The following NECAB2 variants were observed in gnomAD, a reference collection of about 807,000 sequenced individuals.
NECAB2 encodes N-terminal EF-hand calcium binding protein 2, also known as N-terminal EF-hand calcium-binding protein 2.
A neutral mutation model predicts 51.9 loss-of-function variants in NECAB2; 68 were observed. The observed-to-expected ratio is 1.31, with a 90% confidence interval of 1.08 to 1.60. The LOEUF (loss-of-function observed/expected upper bound fraction) is 1.60. Among genes scored for constraint, NECAB2 ranks in the 40% most tolerant of loss-of-function variants. NECAB2 has a pLI of 0.00. For missense variants in NECAB2, 854 were observed against 490.3 expected (o/e 1.74, Z -7.00); for synonymous variants, 329 against 203.5 (o/e 1.62, Z -5.25).
chr16:83,976,255 C>G (rs1396139056), intron 2 of NECAB2, among the ~76,000 whole-genome samples: 3 of 152,182 alleles, frequency 2.0e-5, no homozygotes, highest in African/African-American at 4.8e-5. Context: ...AGATCCTACC[C>G]CTGGATTAGG....
rs2084312369 is a variant in NECAB2, at chr16:83,968,478, C to A, written c.-171C>A. ...GGGAGCGGGCACGTGGCTCGGGGTC[C>A]GGCCGGCCCGCCCCCCGGCGCCGGC... On this transcript the variant is annotated 5_prime_UTR_variant, in exon 1 of 13. Transcript: ENST00000305202. 6.9e-6 allele frequency among the ~76,000 whole-genome samples: 1 copy of A among 144,950 alleles called. No homozygotes were observed. The highest frequency in any genetic ancestry group is 2.1e-4 in the South Asian group (1 of 4,780).
intron 1 of NECAB2, among the ~76,000 whole-genome samples, chr16:83,970,765 G>T (rs916120091): frequency 6.6e-6 from 1 of 152,134 alleles, no homozygotes; most frequent in African/African-American, 2.4e-5. Flanking sequence ...TGGGGTGGGG[G>T]CCACCGCAGA....
chr16:84,002,208 ACACAAGGACT>A, intron 12 of NECAB2, 100 bp from the exon 13 acceptor site: 1 of 1,366,572 alleles, frequency 7.3e-7, no homozygotes, highest in Non-Finnish European at 1.0e-6. Context: ...CCTGTGTGTC[ACACAAGGACT>A]CAAAGCCATC....
At chr16:83,989,074 C>G (rs568988204) in intron 5 of NECAB2, among the ~76,000 whole-genome samples, 24 of 152,248 alleles carry the variant, frequency 1.6e-4, no homozygotes, top group Non-Finnish European at 2.9e-4. Context: ...TTTTAACACA[C>G]TTCAGCCCAT....
At chr16:83,990,017 A>G (rs2084602174) in intron 5 of NECAB2, among the ~76,000 whole-genome samples, 1 of 152,132 alleles carries the variant, frequency 6.6e-6, no homozygotes, top group South Asian at 2.1e-4. Context: ...TGCAGGAGGA[A>G]GGAGGGAGGG....
chr16:83,977,301 G>A (rs1376499611), intron 2 of NECAB2, among the ~76,000 whole-genome samples: 3 of 152,128 alleles, frequency 2.0e-5, no homozygotes, highest in Non-Finnish European at 4.4e-5. Flanking sequence ...GATCCTTGAG[G>A]AGGGGGGAGG....
rs2084854799 is a variant in NECAB2 at position 84,002,335 on chromosome 16, G to C, written c.1150G>C (p.Gly384Arg). 6.2e-7 allele frequency: 1 copy of C among 1,613,868 alleles called. No individual in the cohort carries two copies. The highest frequency in any genetic ancestry group is 1.7e-5 in the Admixed American group (1 of 59,992). ...CCTTTTAGCTGCTTGGTGCACGGTG[G>C]GACGGGACTGACAGCCTCCCAGAGG... ...ILVPAAWCTV[G>R]RD The change falls in exon 13 of 13, where the codon GGA (glycine) becomes CGA (arginine). Residue 384 changes from glycine (G) to arginine (R), a missense_variant. Physicochemically the swap from Gly to Arg is moderately radical, Grantham distance 125. Coordinates refer to ENST00000305202, the MANE Select transcript of NECAB2 (RefSeq NM_019065.3).
chr16:83,980,682 C>G (rs1391756351), intron 3 of NECAB2, among the ~76,000 whole-genome samples, 157 bp from the exon 4 acceptor site: 1 of 152,076 alleles, frequency 6.6e-6, no homozygotes, highest in Non-Finnish European at 1.5e-5. Context: ...GGGGGTGTCA[C>G]CTACCTGCTG....
At chr16:83,992,962 C>G (rs1013834310) in intron 6 of NECAB2, among the ~76,000 whole-genome samples, 5 of 152,202 alleles carry the variant, frequency 3.3e-5, no homozygotes, top group African/African-American at 1.2e-4. Flanking sequence ...GTTTTCAGGG[C>G]AGACTTCCCA....
chr16:83,988,185 G>A (rs934804003), intron 5 of NECAB2, among the ~76,000 whole-genome samples: 4 of 152,184 alleles, frequency 2.6e-5, no homozygotes, highest in Admixed American at 6.5e-5. Context: ...AAGGGAATTC[G>A]GGCCACCTTT....
chr16:83,968,655 G>A lies in NECAB2; in HGVS notation c.7G>A (p.Glu3Lys), dbSNP rs2084314819. Residue 3 changes from glutamate (E) to lysine (K), a missense_variant, in exon 1 of 13, where the codon GAG becomes AAG. Transcript: ENST00000305202. The part of the protein sequence containing the change: MC[E>K]RAARLCRAGA... Reference sequence around the variant, plus strand: ...CGGCGGCGGGCGCGGCGCGATGTGCGAGCGGGCGGCGCGCCTGTGCAGGGC... The same window carrying A: ...CGGCGGCGGGCGCGGCGCGATGTGCAAGCGGGCGGCGCGCCTGTGCAGGGC... 2 of 981,048 alleles carry A rather than the reference G, an allele frequency of 2.0e-6. No individual in the cohort carries two copies. The highest frequency in any genetic ancestry group is 2.4e-6 in the Non-Finnish European group (2 of 828,656). The allele number at this position is 981,048 out of a possible 1,614,324, so 60.8% of individuals were successfully genotyped here. A position where few individuals can be genotyped will look rare whatever the true frequency, so the allele number is the denominator to read the frequency against.
At chr16:83,996,236 A>G (rs913294925) in intron 8 of NECAB2, among the ~76,000 whole-genome samples, 1 of 152,148 alleles carries the variant, frequency 6.6e-6, no homozygotes. Context: ...CCCCTCACGT[A>G]TGCTTGTAAA....
chr16:84,001,792 C>T lies in NECAB2; in HGVS notation c.1041-33C>T, dbSNP rs759828337. On this transcript the variant is annotated intron_variant, in intron 11 of 12. Transcript: ENST00000305202. ...GCCACACGCGGAGCTCCACTCCTGC[C>T]ACCCCTGACTCACACATGTCCCTGC... The T allele has an allele frequency of 1.9e-6, 3 of 1,611,516 alleles. No individual in the cohort carries two copies. The Admixed American group carries it at 5.0e-5, about 27-fold the overall frequency.
At chr16:83,983,084 G>C (rs1262403758) in intron 5 of NECAB2, among the ~76,000 whole-genome samples, 4 of 152,048 alleles carry the variant, frequency 2.6e-5, no homozygotes, top group Non-Finnish European at 5.9e-5. Context: ...GGCCAGGCTG[G>C]TCTCAAAGTC....
intron 7 of NECAB2, 47 bp downstream of exon 7, chr16:83,994,467 G>A (rs759265726): frequency 8.1e-6 from 13 of 1,602,038 alleles, no homozygotes; most frequent in South Asian, 7.7e-5. Flanking sequence ...TGGGGGTCCC[G>A]AGGAGTTCTG....
rs202116282 is a variant in NECAB2 at position 84,000,807 on chromosome 16, A to C, written c.1040+6A>C. 1 of 1,613,124 alleles carries C rather than the reference A, an allele frequency of 6.2e-7. No individual in the cohort carries two copies. The highest frequency in any genetic ancestry group is 8.5e-7 in the Non-Finnish European group (1 of 1,179,746). On this transcript the variant is annotated splice_donor_region_variant and intron_variant, in intron 11 of 12. Transcript: ENST00000305202. ...ACAGAGGAGGCGTGGAAGAGGTGAG[A>C]TGCTGGGTCCCCACAGCAGGTGAGG... is the stretch of plus-strand genomic sequence containing the variant.
rs967669033 is a variant in NECAB2 at position 83,972,546 on chromosome 16, C to A, written c.226+371C>A. 5.9e-5 allele frequency among the ~76,000 whole-genome samples: 9 copies of A among 152,226 alleles called. No individual in the cohort carries two copies. The East Asian group carries it at 1.7e-3, about 29-fold the overall frequency. On this transcript the variant is annotated intron_variant, in intron 2 of 12. Transcript: ENST00000305202. Reference sequence around the variant, plus strand: ...ACCCTCCTTGAAAGGAAGCCGCCAGCCTCACGCTAGGCCCTTCACAAGCCT... The same window carrying A: ...ACCCTCCTTGAAAGGAAGCCGCCAGACTCACGCTAGGCCCTTCACAAGCCT...
At chr16:83,966,876 G>GT (rs990294189), upstream of NECAB2, among the ~76,000 whole-genome samples, 32 of 151,638 alleles carry the variant, frequency 2.1e-4, no homozygotes, top group Non-Finnish European at 2.2e-4. Context: ...TAGCAGTGCA[G>GT]TTTTTTTTTC....
intron 5 of NECAB2, among the ~76,000 whole-genome samples, chr16:83,982,521 G>T (rs1051842886): frequency 6.6e-6 from 1 of 152,196 alleles, no homozygotes; most frequent in East Asian, 1.9e-4. Context: ...CTCCAAACAG[G>T]CTGTGTGAGG....
Sources: allele counts gnomAD v4.1 joint callset (sites outside exome capture counted in the v4.1 genomes callset), GRCh38; gene constraint gnomAD v4.1.1; transcripts MANE v1.5; gene names NCBI Gene and HGNC (gene_info 2026-07-23, HGNC 2026-07-21).